GLIS2: variants seen among roughly 807,000 people sequenced by gnomAD.
GLIS2 encodes zinc finger protein GLIS2.
A neutral mutation model predicts 35.6 loss-of-function variants in GLIS2; 14 were observed. That is an observed-to-expected ratio of 0.39 (90% CI 0.26 to 0.61). The LOEUF is 0.61. Ranked by LOEUF, GLIS2 falls within the 20% of genes least tolerant of loss-of-function variation. The pLI, the probability that GLIS2 is intolerant of heterozygous loss-of-function variation, is 0.48. For missense variants in GLIS2, 675 were observed against 713.4 expected, an observed-to-expected ratio of 0.95 and a Z score of 0.61; for synonymous variants, 368 against 325.1, an observed-to-expected ratio of 1.13 and a Z score of -1.42.
chr16:4,319,610 C>T (rs1163394384), intron 1 of GLIS2, among the ~76,000 whole-genome samples: 3 of 152,206 alleles, frequency 2.0e-5, no homozygotes, highest in African/African-American at 7.2e-5. Flanking sequence ...GAGGTGGCCG[C>T]CTCCGCCCCA....
At chr16:4,325,774 A>G (rs972114522) in intron 1 of GLIS2, among the ~76,000 whole-genome samples, 3 of 151,760 alleles carry the variant, frequency 2.0e-5, no homozygotes, top group African/African-American at 7.3e-5. Context: ...CTGCAAAATA[A>G]AAAATTTAAA....
intron 1 of GLIS2, among the ~76,000 whole-genome samples, chr16:4,319,148 G>A (rs2053347983): frequency 6.6e-6 from 1 of 152,148 alleles, no homozygotes; most frequent in Non-Finnish European, 1.5e-5. Context: ...GTGGAATTGG[G>A]GCGGGGGTGG....
At chr16:4,323,033 C>T (rs562569686) in intron 1 of GLIS2, among the ~76,000 whole-genome samples, 30 of 152,346 alleles carry the variant, frequency 2.0e-4, no homozygotes, top group Middle Eastern at 3.4e-3. Context: ...ACTGTGATGT[C>T]CTGTGTGTGC....
intron 1 of GLIS2, among the ~76,000 whole-genome samples, chr16:4,322,785 C>T (rs1347287464): frequency 6.6e-6 from 1 of 152,240 alleles, no homozygotes; most frequent in Non-Finnish European, 1.5e-5. Flanking sequence ...CTCCTGCTCT[C>T]GGAGTTGGCG....
At chr16:4,318,709 C>T (rs1184488499) in intron 1 of GLIS2, among the ~76,000 whole-genome samples, 1 of 152,268 alleles carries the variant, frequency 6.6e-6, no homozygotes, top group African/African-American at 2.4e-5. Flanking sequence ...ACCCTCCTTC[C>T]CGGCCTGGCC....
In GLIS2 at chr16:4,332,084, C is replaced by T. The variant is rs2053502337; in HGVS notation, c.-66-131C>T. ...CATGATAGCTGCCGGCCAGGTCGCT[C>T]GGAGGGTCTCCCTACCCAGGAGACA... is the stretch of plus-strand genomic sequence containing the variant. On this transcript the variant is annotated intron_variant, in intron 1 of 6. Coordinates refer to ENST00000433375, the MANE Select transcript of GLIS2 (RefSeq NM_032575.3). This position sits in a 1 kb window ranked among gnomAD's most constrained non-coding sequence, Gnocchi z 5.4. The T allele has an allele frequency of 2.8e-6, 2 of 708,566 alleles. No homozygotes were observed. Among genetic ancestry groups the T allele is most frequent in the African/African-American group, 1.7e-5 (1 of 57,246 alleles). The allele number at this position is 708,566 out of a possible 1,614,324, so 43.9% of individuals were successfully genotyped here.
intron 1 of GLIS2, chr16:4,326,419 T>C (rs2053430758): frequency 1.3e-5 from 2 of 152,236 alleles, no homozygotes; most frequent in Non-Finnish European, 2.9e-5. Context: ...ACTGCCACGC[T>C]GGTCACTCAC....
At chr16:4,336,497 G>A (rs2053552595) in intron 6 of GLIS2, 3 of 640,534 alleles carry the variant, frequency 4.7e-6, no homozygotes, top group South Asian at 3.5e-5. Context: ...AGCAGAGGGT[G>A]CAGGGCGAGG....
chr16:4,321,746 C>T (rs948674701), intron 1 of GLIS2, among the ~76,000 whole-genome samples: 11 of 152,104 alleles, frequency 7.2e-5, no homozygotes, highest in African/African-American at 2.4e-4. Flanking sequence ...TGGAGCTGCC[C>T]GGCGTCCCAG....
chr16:4,337,399 C>T lies in GLIS2; in HGVS notation c.1450C>T (p.Pro484Ser). ...RPSPDGLPLLPGTVLDLSTGV... is the reference protein window; with the variant it reads ...RPSPDGLPLLSGTVLDLSTGV... ...AAGCCCCGATGGACTCCCCCTGCTG[C>T]CAGGCACCGTGCTGGACCTGTCCAC... Residue 484 changes from proline (P) to serine (S), a missense_variant, in exon 7 of 7, where the codon CCA (proline) becomes TCA (serine). By Grantham distance (74) the Pro-to-Ser change is moderately conservative. This residue lies in a region of GLIS2 where 317 missense variants were observed against 283.2 expected (regional missense o/e 1.12). Transcript: ENST00000433375. 1.3e-6 allele frequency: 2 copies of T among 1,591,858 alleles called. No homozygotes were observed. The highest frequency in any genetic ancestry group is 1.7e-6 in the Non-Finnish European group (2 of 1,170,724).
At chr16:4,323,652 C>T (rs2053401063) in intron 1 of GLIS2, among the ~76,000 whole-genome samples, 1 of 152,138 alleles carries the variant, frequency 6.6e-6, no homozygotes, top group Non-Finnish European at 1.5e-5. Flanking sequence ...GGGGCATCTC[C>T]TAGGAAGCCC....
intron 1 of GLIS2, among the ~76,000 whole-genome samples, chr16:4,323,635 C>T (rs2053400777): frequency 6.6e-6 from 1 of 152,156 alleles, no homozygotes; most frequent in African/African-American, 2.4e-5. Flanking sequence ...AAGGAAGTGC[C>T]TCTGGTGGGG....
rs756214403 is a variant in GLIS2, at chr16:4,336,919, G to T, written c.970G>T (p.Glu324Ter). ...IKAHGHFVSHEQQELLQLRPP... is the reference protein window; with the variant it reads ...IKAHGHFVSH ...GGCCCATGGCCACTTTGTGTCCCAC[G>T]AGCAGCAAGAGCTCCTGCAGCTGCG... Residue 324 changes from glutamate (E) to a stop codon, truncating the protein, a stop_gained, in exon 7 of 7, where the codon GAG becomes TAG. Transcript: ENST00000433375. LOFTEE classifies it high-confidence loss of function. 1 of 1,612,770 alleles carries T rather than the reference G, an allele frequency of 6.2e-7. No individual in the cohort carries two copies. The highest frequency in any genetic ancestry group is 1.7e-5 in the Admixed American group (1 of 60,006).
intron 1 of GLIS2, among the ~76,000 whole-genome samples, chr16:4,323,578 G>A (rs2053399731): frequency 6.6e-6 from 1 of 152,196 alleles, no homozygotes; most frequent in Non-Finnish European, 1.5e-5. Flanking sequence ...GCGTGTGTGT[G>A]CCGGGGCTCC....
At chr16:4,333,627 C>A (rs117569188) in intron 3 of GLIS2, 108 bp downstream of exon 3, 2 of 1,246,438 alleles carry the variant, frequency 1.6e-6, no homozygotes, top group Non-Finnish European at 2.2e-6. Flanking sequence ...TGTTACCCCT[C>A]ATAATTCTGG....
Position 4,337,403 on chromosome 16 carries a change from G to T in GLIS2, c.1454G>T (p.Gly485Val). 1 of 1,590,088 alleles carries T rather than the reference G, an allele frequency of 6.3e-7. No individual in the cohort carries two copies. ...PSPDGLPLLPGTVLDLSTGVN... is the reference protein window; with the variant it reads ...PSPDGLPLLPVTVLDLSTGVN... ...CCCGATGGACTCCCCCTGCTGCCAG[G>T]CACCGTGCTGGACCTGTCCACGGGC... The change falls in exon 7 of 7, where the codon GGC (glycine) becomes GTC (valine). Residue 485 changes from glycine (G) to valine (V), a missense_variant. Gly to Val is a moderately radical substitution (Grantham distance 109). Coordinates refer to ENST00000433375, the MANE Select transcript of GLIS2 (RefSeq NM_032575.3).
intron 1 of GLIS2, among the ~76,000 whole-genome samples, chr16:4,329,968 C>T (rs1421279341): frequency 1.3e-5 from 2 of 152,140 alleles, no homozygotes. Context: ...ACTGTTAGAT[C>T]ATTTGCATGT....
Position 4,337,559 on chromosome 16 carries a change from C to CA in GLIS2, c.*36dup. The CA allele has an allele frequency of 6.5e-7, 1 of 1,539,956 alleles. No homozygotes were observed. On this transcript the variant is annotated 3_prime_UTR_variant, in exon 7 of 7. Coordinates refer to ENST00000433375, the MANE Select transcript of GLIS2 (RefSeq NM_032575.3). The stretch of plus-strand genomic sequence containing the variant: ...GCGGACAGTTGTGGTGCCCCCCCGG[C>CA]AGCTCCCGGCACTGCCCCCGACGAA...
chr16:4,329,481 C>T (rs2053474878), intron 1 of GLIS2, among the ~76,000 whole-genome samples: 1 of 152,198 alleles, frequency 6.6e-6, no homozygotes, highest in African/African-American at 2.4e-5. Flanking sequence ...GTGGGCAGCC[C>T]CCCTGTGCTG....
Sources: gnomAD v4.1 joint callset for allele counts (sites outside exome capture counted in the v4.1 genomes callset) on GRCh38, gnomAD v4.1.1 for gene constraint, gnomAD v4.1.1 regional missense constraint, Gnocchi (gnomAD v3.1) non-coding constraint, MANE v1.5 for transcripts, NCBI Gene and HGNC (gene_info 2026-07-23, HGNC 2026-07-21) for gene names.